Variants in LYSMD2 observed in about 807,000 individuals in gnomAD.
LYSMD2 encodes lysM and putative peptidoglycan-binding domain-containing protein 2.
LYSMD2 carries 6 observed loss-of-function variants against 17.7 expected under a neutral mutation model. The ratio of observed to expected loss-of-function variants is 0.34; its 90% confidence interval spans 0.19 to 0.67. The LOEUF (loss-of-function observed/expected upper bound fraction) is 0.67. Among genes scored for constraint, LYSMD2 ranks in the 30% least tolerant of loss-of-function variants. The pLI, the probability that LYSMD2 is intolerant of heterozygous loss-of-function variation, is 0.69. For missense variants in LYSMD2, 237 were observed against 286.7 expected (o/e 0.83, Z 1.25); for synonymous variants, 102 against 129.8 (o/e 0.79, Z 1.45).
At chr15:51,724,420 T>C (rs868134582) in intron 2 of LYSMD2, among the ~76,000 whole-genome samples, 17 of 152,184 alleles carry the variant, frequency 1.1e-4, no homozygotes, top group African/African-American at 3.9e-4. Context: ...ATTTTGCCGC[T>C]ATCCAGAAGT....
chr15:51,741,109 G>A (rs538336686), upstream of LYSMD2, among the ~76,000 whole-genome samples: 1 of 152,318 alleles, frequency 6.6e-6, no homozygotes, highest in South Asian at 2.1e-4. Context: ...AATTAGGAAG[G>A]AGGCTTACCC....
intron 1 of LYSMD2, among the ~76,000 whole-genome samples, chr15:51,734,635 G>A (rs1420303534): frequency 1.3e-5 from 2 of 152,194 alleles, no homozygotes; most frequent in Non-Finnish European, 2.9e-5. Context: ...GACAGACATG[G>A]TATGTTAAGG....
At chr15:51,746,645 G>A (rs1050314148) in intron 1 of LYSMD2, among the ~76,000 whole-genome samples, 12 of 152,096 alleles carry the variant, frequency 7.9e-5, no homozygotes, top group Admixed American at 1.3e-4. Context: ...TTTAGAGAGA[G>A]AGAAAGAGAG....
chr15:51,740,780 G>A (rs539238925), upstream of LYSMD2, among the ~76,000 whole-genome samples: 10 of 151,480 alleles, frequency 6.6e-5, no homozygotes, highest in South Asian at 6.3e-4. Context: ...TCCTGGTGGC[G>A]TAGGAGCAGA....
At chr15:51,725,223 AC>A in intron 1 of LYSMD2, 102 bp from the exon 2 acceptor site, 2 of 698,058 alleles carry the variant, frequency 2.9e-6, no homozygotes, top group Non-Finnish European at 4.7e-6. Context: ...CAAAATGTAC[AC>A]AATGCTTTCT....
intron 1 of LYSMD2, among the ~76,000 whole-genome samples, chr15:51,748,792 G>A (rs1049079223): frequency 3.3e-5 from 5 of 152,162 alleles, no homozygotes; most frequent in African/African-American, 1.2e-4. Context: ...CCTCTCAGAG[G>A]CTAATAGGGT....
chr15:51,745,845 A>G (rs1415956704), intron 1 of LYSMD2, among the ~76,000 whole-genome samples: 1 of 152,250 alleles, frequency 6.6e-6, no homozygotes, highest in Non-Finnish European at 1.5e-5. Flanking sequence ...GCAAGTAAGC[A>G]CATGAAAAAA....
At chr15:51,742,916 C>T (rs74794968) in intron 1 of LYSMD2, among the ~76,000 whole-genome samples, 2 of 152,114 alleles carry the variant, frequency 1.3e-5, no homozygotes, top group Non-Finnish European at 2.9e-5. Flanking sequence ...GAGCCATGAT[C>T]GCCCCACTGC....
chr15:51,725,042 A>C lies in LYSMD2; in HGVS notation c.353T>G (p.Ile118Arg), dbSNP rs774493337. ...FLKKTLNIPVISEKPLLFNGL... is the reference protein window; with the variant it reads ...FLKKTLNIPVRSEKPLLFNGL... Reference sequence around the variant, plus strand: ...ATTAAACAACAAAGGCTTCTCTGATATAACTGGGATGTTCAAAGTTTTCTT... The same window carrying C: ...ATTAAACAACAAAGGCTTCTCTGATCTAACTGGGATGTTCAAAGTTTTCTT... The change falls in exon 2 of 3, where the codon ATA becomes AGA. Residue 118 changes from isoleucine (I) to arginine (R), a missense_variant. By Grantham distance (97) the Ile-to-Arg change is moderately conservative (BLOSUM62 -3). Coordinates refer to ENST00000267838, the MANE Select transcript of LYSMD2 (RefSeq NM_153374.3). 9 of 1,613,662 alleles carry C rather than the reference A, an allele frequency of 5.6e-6. No individual in the cohort carries two copies. The East Asian group carries it at 2.0e-4, about 36-fold the overall frequency.
chr15:51,725,675 C>T (rs1277775666), intron 1 of LYSMD2, among the ~76,000 whole-genome samples: 1 of 151,936 alleles, frequency 6.6e-6, no homozygotes, highest in Non-Finnish European at 1.5e-5. Context: ...TATATACCCA[C>T]TCACATCAAG....
chr15:51,735,665 G>A (rs1038225679), intron 1 of LYSMD2, among the ~76,000 whole-genome samples: 3 of 152,198 alleles, frequency 2.0e-5, no homozygotes, highest in Non-Finnish European at 2.9e-5. Context: ...AAGGGGTAAT[G>A]AGGTTATGAG....
upstream of LYSMD2, among the ~76,000 whole-genome samples, chr15:51,740,099 C>T (rs187427370): frequency 1.3e-5 from 2 of 152,058 alleles, no homozygotes; most frequent in African/African-American, 4.8e-5. Context: ...GCTGGGACTA[C>T]AGCATGTGCC....
chr15:51,734,418 T>C (rs865996035), intron 1 of LYSMD2, among the ~76,000 whole-genome samples: 1 of 152,188 alleles, frequency 6.6e-6, no homozygotes, highest in Admixed American at 6.5e-5. Context: ...GTTACCCTTG[T>C]AATCCAGGGC....
chr15:51,730,177 A>C (rs537577645), intron 1 of LYSMD2, among the ~76,000 whole-genome samples: 3 of 152,334 alleles, frequency 2.0e-5, no homozygotes, highest in Non-Finnish European at 4.4e-5. Flanking sequence ...AATTAGGTAG[A>C]ACAACTGCCA....
intron 1 of LYSMD2, among the ~76,000 whole-genome samples, chr15:51,736,307 T>C (rs1023666407): frequency 3.9e-5 from 6 of 152,208 alleles, no homozygotes; most frequent in Non-Finnish European, 7.3e-5. Flanking sequence ...TATGTTCACA[T>C]GTATAGAACT....
chr15:51,726,262 C>G (rs996236280), intron 1 of LYSMD2, among the ~76,000 whole-genome samples: 1 of 152,156 alleles, frequency 6.6e-6, no homozygotes, highest in African/African-American at 2.4e-5. Flanking sequence ...AAATTAAAAT[C>G]TAAAAACCCC....
intron 1 of LYSMD2, among the ~76,000 whole-genome samples, chr15:51,727,166 C>T (rs569929979): frequency 6.6e-6 from 1 of 152,162 alleles, no homozygotes; most frequent in Non-Finnish European, 1.5e-5. Context: ...GCTGCTTATT[C>T]TCCTTTCAAA....
chr15:51,743,074 T>C (rs571941618), intron 1 of LYSMD2, among the ~76,000 whole-genome samples: 2 of 152,352 alleles, frequency 1.3e-5, no homozygotes, highest in African/African-American at 4.8e-5. Context: ...AGATATTCTA[T>C]GTTATTTTCT....
intron 1 of LYSMD2, among the ~76,000 whole-genome samples, chr15:51,749,869 C>T (rs901518222): frequency 3.3e-5 from 5 of 152,214 alleles, no homozygotes; most frequent in African/African-American, 1.2e-4. Context: ...TGGTCACACC[C>T]CCATTTCATT....
Sources: allele counts gnomAD v4.1 joint callset (sites outside exome capture counted in the v4.1 genomes callset), GRCh38; gene constraint gnomAD v4.1.1; transcripts MANE v1.5; gene names NCBI Gene and HGNC (gene_info 2026-07-23, HGNC 2026-07-21).